Variants in RTL4 observed in about 807,000 individuals in gnomAD.
RTL4 encodes the protein retrotransposon Gag like 4.
RTL4 carries 4 observed loss-of-function variants against 5.3 expected under a neutral mutation model. The ratio of observed to expected loss-of-function variants is 0.75; its 90% CI spans 0.37 to 1.72. RTL4 has a LOEUF of 1.72. RTL4 is among the 40% of genes most tolerant of loss of function. RTL4 has a pLI of 0.04. For synonymous variants in RTL4, 98 were observed against 87.3 expected (o/e 1.12, Z -0.68); for missense variants, 260 against 227.1 (o/e 1.14, Z -0.93).
the RTL4 span, among the ~76,000 whole-genome samples, chrX:112,122,708 T>C: frequency 9.0e-6 from 1 of 110,974 alleles, no homozygotes; most frequent in Non-Finnish European, 1.9e-5. Context: ...GAAACGGAAG[T>C]TATAACAAAG....
chrX:112,210,149 A>G, the RTL4 span, among the ~76,000 whole-genome samples: 2 of 112,373 alleles, frequency 1.8e-5, no homozygotes, highest in Admixed American at 9.4e-5. Context: ...CTTTCAGTGC[A>G]ATCAAGTTGA....
the RTL4 span, among the ~76,000 whole-genome samples, chrX:112,195,541 G>T: frequency 1.8e-5 from 2 of 111,251 alleles, no homozygotes; most frequent in Non-Finnish European, 3.8e-5. Flanking sequence ...CCTCTTTGGG[G>T]TCTTGGGTAT....
the RTL4 span, among the ~76,000 whole-genome samples, chrX:112,206,606 G>A: frequency 2.1e-4 from 23 of 110,387 alleles, no homozygotes; most frequent in Admixed American, 2.2e-3. Context: ...GGGTTCCTCA[G>A]GGCTTCATTG....
chrX:112,213,353 G>T, the RTL4 span, among the ~76,000 whole-genome samples: 2 of 112,519 alleles, frequency 1.8e-5, no homozygotes, highest in African/African-American at 3.2e-5. Flanking sequence ...GGTGGTGCTT[G>T]GAGCAATGCT....
At chrX:112,153,790 T>C in the RTL4 span, among the ~76,000 whole-genome samples, 2 of 111,435 alleles carry the variant, frequency 1.8e-5, no homozygotes, top group African/African-American at 6.5e-5. Flanking sequence ...TACCGTTCGA[T>C]TGTGGTATGT....
At chrX:112,377,784 C>T in the RTL4 span, among the ~76,000 whole-genome samples, 96 of 111,813 alleles carry the variant, frequency 8.6e-4, no homozygotes, top group African/African-American at 2.7e-3. Flanking sequence ...TTCAAGATAC[C>T]AGAGATGGGA....
chrX:112,116,678 C>G, the RTL4 span, among the ~76,000 whole-genome samples: 1 of 111,234 alleles, frequency 9.0e-6, no homozygotes, highest in African/African-American at 3.3e-5. Flanking sequence ...ATAATCCTAG[C>G]TACAGAGTGC....
chrX:112,171,091 G>A, the RTL4 span, among the ~76,000 whole-genome samples: 1 of 112,124 alleles, frequency 8.9e-6, no homozygotes, highest in African/African-American at 3.2e-5. Context: ...TCCCAGGAAT[G>A]AAGCCATCTT....
chrX:112,379,603 G>A, the RTL4 span, among the ~76,000 whole-genome samples: 321 of 111,778 alleles, frequency 2.9e-3, 1 homozygote, highest in Non-Finnish European at 4.6e-3. Context: ...ATCTCAGAAG[G>A]AAATTTATAA....
the RTL4 span, among the ~76,000 whole-genome samples, chrX:112,431,073 C>T: frequency 9.0e-6 from 1 of 111,396 alleles, no homozygotes; most frequent in Non-Finnish European, 1.9e-5. Context: ...CTGTGAACTT[C>T]ACCAGTGTTT....
At chrX:112,166,279 A>G in the RTL4 span, among the ~76,000 whole-genome samples, 2 of 111,938 alleles carry the variant, frequency 1.8e-5, no homozygotes, top group Non-Finnish European at 3.8e-5. Context: ...TTCATTTCCT[A>G]GAAATACCAT....
chrX:112,312,769 G>T, the RTL4 span, among the ~76,000 whole-genome samples: 2 of 111,175 alleles, frequency 1.8e-5, no homozygotes, highest in Non-Finnish European at 3.8e-5. Flanking sequence ...TTCTCAGTAT[G>T]TTCCAAACAC....
the RTL4 span, among the ~76,000 whole-genome samples, chrX:112,448,402 T>A: frequency 4.5e-5 from 5 of 111,864 alleles, no homozygotes; most frequent in African/African-American, 1.6e-4. Flanking sequence ...AGAGGGATGA[T>A]GAGCATAGTG....
At chrX:112,427,723 T>G in the RTL4 span, among the ~76,000 whole-genome samples, 1 of 111,677 alleles carries the variant, frequency 9.0e-6, no homozygotes, top group Non-Finnish European at 1.9e-5. Flanking sequence ...CTGCTTTTGC[T>G]GCATTCCACA....
chrX:112,208,717 C>T, the RTL4 span, among the ~76,000 whole-genome samples: 1 of 112,222 alleles, frequency 8.9e-6, no homozygotes, highest in African/African-American at 3.2e-5. Flanking sequence ...TGTAAAGACA[C>T]AGCTATAATT....
chrX:112,300,743 C>T, the RTL4 span, among the ~76,000 whole-genome samples: 5 of 112,504 alleles, frequency 4.4e-5, no homozygotes, highest in African/African-American at 1.6e-4. Flanking sequence ...AACAGATTCG[C>T]ATCCATCGTA....
At chrX:112,364,226 A>G in the RTL4 span, among the ~76,000 whole-genome samples, 1 of 111,431 alleles carries the variant, frequency 9.0e-6, no homozygotes, top group Non-Finnish European at 1.9e-5. Flanking sequence ...CTAGCCCAAG[A>G]CTGTAATTAC....
chrX:112,352,387 A>G, the RTL4 span, among the ~76,000 whole-genome samples: 1 of 111,347 alleles, frequency 9.0e-6, no homozygotes, highest in African/African-American at 3.3e-5. Flanking sequence ...ATCCTCAGCC[A>G]AAAGAACAAA....
At chrX:112,306,613 G>A in the RTL4 span, among the ~76,000 whole-genome samples, 1 of 111,138 alleles carries the variant, frequency 9.0e-6, no homozygotes, top group South Asian at 3.8e-4. Flanking sequence ...AACAGATAGC[G>A]TGAGAAGTAA....
Sources: allele counts gnomAD v4.1 joint callset (sites outside exome capture counted in the v4.1 genomes callset), GRCh38; gene constraint gnomAD v4.1.1; transcripts MANE v1.5; gene names NCBI Gene and HGNC (gene_info 2026-07-23, HGNC 2026-07-21).